Variants in ST6GAL1 observed in about 807,000 individuals in gnomAD.
ST6GAL1 encodes the protein beta-galactoside alpha-2,6-sialyltransferase 1.
A neutral mutation model predicts 38.0 loss-of-function variants in ST6GAL1; 20 were observed. The observed-to-expected ratio is 0.53, with a 90% CI of 0.37 to 0.77. The LOEUF is 0.77. Ranked by LOEUF, ST6GAL1 falls within the 30% of genes least tolerant of loss-of-function variation. The pLI is 0.00. For synonymous variants in ST6GAL1, 196 were observed against 188.2 expected (o/e 1.04, Z -0.34); for missense variants, 432 against 496.4 (o/e 0.87, Z 1.23).
chr3:187,052,915 C>A (rs1718565903), intron 5 of ST6GAL1, among the ~76,000 whole-genome samples: 1 of 152,234 alleles, frequency 6.6e-6, no homozygotes, highest in African/African-American at 2.4e-5. Flanking sequence ...CTCCCACCCA[C>A]AGTGTAAAAG....
At chr3:187,048,280 T>C (rs1005030277) in intron 4 of ST6GAL1, among the ~76,000 whole-genome samples, 44 of 152,166 alleles carry the variant, frequency 2.9e-4, no homozygotes, top group African/African-American at 1.1e-3. Context: ...CCAAACTTCA[T>C]ACCTGGGCCC....
intron 5 of ST6GAL1, among the ~76,000 whole-genome samples, chr3:187,060,682 T>G (rs1718887233): frequency 6.6e-6 from 1 of 152,166 alleles, no homozygotes; most frequent in Non-Finnish European, 1.5e-5. Context: ...GTCAACAGGT[T>G]TTAATGTCGC....
chr3:187,029,152 T>A (rs1717652926), intron 2 of ST6GAL1, among the ~76,000 whole-genome samples: 1 of 150,268 alleles, frequency 6.7e-6, no homozygotes, highest in African/African-American at 2.4e-5. Context: ...ACACACTATC[T>A]AGATGTCTCA....
At chr3:187,011,651 G>C (rs1480034439) in intron 2 of ST6GAL1, among the ~76,000 whole-genome samples, 1 of 152,208 alleles carries the variant, frequency 6.6e-6, no homozygotes, top group Non-Finnish European at 1.5e-5. Flanking sequence ...TGCAGGAACT[G>C]CTGCTGGTAT....
In ST6GAL1 at chr3:187,075,677, G is replaced by A. The variant is rs750161610; in HGVS notation, c.1095G>A (p.Thr365=). Residue 365 remains threonine, a synonymous_variant, in exon 8 of 8, where the codon ACG becomes ACA. Coordinates refer to ENST00000169298, the MANE Select transcript of ST6GAL1 (RefSeq NM_173216.2). This position sits in a 1 kb window ranked among gnomAD's most constrained non-coding sequence, Gnocchi z 4.1. ...AGAAGTTCTTCGATAGTGCCTGCAC[G>A]ATGGGTGCCTACCACCCGCTGCTCT... ...YYQKFFDSAC[T]MGAYHPLLYE... is the part of the protein sequence containing the mutation. 18 of 1,614,082 alleles carry A rather than the reference G, an allele frequency of 1.1e-5. No individual in the cohort carries two copies. Among genetic ancestry groups the A allele is most frequent in the East Asian group, 2.2e-5 (1 of 44,888 alleles).
intron 5 of ST6GAL1, among the ~76,000 whole-genome samples, chr3:187,058,131 A>AT (rs1000889029): frequency 3.3e-5 from 5 of 152,132 alleles, no homozygotes; most frequent in African/African-American, 9.7e-5. Flanking sequence ...CTGGTGTGCC[A>AT]TTTTTTAAGA....
chr3:186,944,790 GTC>G (rs1322513753), intron 1 of ST6GAL1, among the ~76,000 whole-genome samples: 2 of 152,184 alleles, frequency 1.3e-5, no homozygotes, highest in Non-Finnish European at 2.9e-5. Flanking sequence ...TAATTGGAGA[GTC>G]TGCGGAGGCA....
At chr3:186,979,101 T>C (rs185056869) in intron 2 of ST6GAL1, among the ~76,000 whole-genome samples, 6 of 152,242 alleles carry the variant, frequency 3.9e-5, no homozygotes, top group South Asian at 2.1e-4. Context: ...TATTTATTTC[T>C]GTATCATCTG....
In ST6GAL1 at chr3:186,967,909, C is replaced by T. The variant is rs112072313; in HGVS notation, c.-183+3983C>T. On this transcript the variant is annotated intron_variant, in intron 2 of 7. Transcript: ENST00000169298. ...CCTGGGGAGCCGGCACAGCCCACTT[C>T]CTGCCTTAGCCCATCTGGCCCGGGA... Among the ~76,000 whole-genome samples the T allele has an allele frequency of 4.6e-3, 701 of 152,366 alleles. 8 individuals are homozygous for T. Among genetic ancestry groups the T allele is most frequent in the Non-Finnish European group, 7.4e-3 (502 of 68,032 alleles).
chr3:187,005,567 G>A (rs1012774478), intron 2 of ST6GAL1, among the ~76,000 whole-genome samples: 3 of 152,088 alleles, frequency 2.0e-5, no homozygotes, highest in South Asian at 2.1e-4. Context: ...GAGCCACGGC[G>A]CCCGGCATCT....
At chr3:186,947,765 A>C (rs1308137953) in intron 1 of ST6GAL1, among the ~76,000 whole-genome samples, 1 of 152,130 alleles carries the variant, frequency 6.6e-6, no homozygotes, top group Non-Finnish European at 1.5e-5. Context: ...GCCTAGCCTG[A>C]GATTAGTTTT....
At chr3:187,028,936 G>A (rs1022631721) in intron 2 of ST6GAL1, among the ~76,000 whole-genome samples, 45 of 151,848 alleles carry the variant, frequency 3.0e-4, no homozygotes, top group African/African-American at 1.0e-3. Context: ...TTCATAGGTG[G>A]TTAGCAGGGC....
intron 2 of ST6GAL1, among the ~76,000 whole-genome samples, chr3:186,992,362 T>A (rs1716201719): frequency 6.6e-6 from 1 of 152,174 alleles, no homozygotes; most frequent in Non-Finnish European, 1.5e-5. Flanking sequence ...GTAAGTTTCC[T>A]GAGGCCTCCC....
Position 186,949,288 on chromosome 3 carries a change from C to T in ST6GAL1, c.-324-14497C>T, listed in dbSNP as rs139652891. 3.0e-3 allele frequency among the ~76,000 whole-genome samples: 459 copies of T among 152,264 alleles called. 1 individual carries two copies. The highest frequency in any genetic ancestry group is 6.8e-3 in the Middle Eastern group (2 of 294). On this transcript the variant is annotated intron_variant, in intron 1 of 7. Transcript: ENST00000169298. ...GAAGAAGGCAGCTAGGGAGCTGTGA[C>T]GTGGCAGCCAGGCTGAGTTATCAGT...
intron 1 of ST6GAL1, among the ~76,000 whole-genome samples, chr3:186,936,002 T>C (rs55759132): frequency 0.24 from 35,916 of 151,562 alleles, 4,414 homozygotes; most frequent in Middle Eastern, 0.32. Context: ...GTGGAGGGGG[T>C]CTTGTGCTTA....
chr3:187,013,622 T>C (rs1393713333), intron 2 of ST6GAL1, among the ~76,000 whole-genome samples: 2 of 152,224 alleles, frequency 1.3e-5, no homozygotes, highest in African/African-American at 4.8e-5. Flanking sequence ...TCACCCTCTG[T>C]CACCCAGGCT....
intron 2 of ST6GAL1, among the ~76,000 whole-genome samples, chr3:187,004,829 T>G (rs191458464): frequency 1.8e-4 from 28 of 152,348 alleles, no homozygotes; most frequent in African/African-American, 6.7e-4. Context: ...TTCAAGATGA[T>G]TCAAAGCTAA....
In ST6GAL1 at chr3:187,072,932, C is replaced by G; in HGVS notation, c.789C>G (p.His263Gln). The change falls in exon 6 of 8, where the codon CAC becomes CAG. Residue 263 changes from histidine (H) to glutamine (Q), a missense_variant. Coordinates refer to ENST00000169298, the MANE Select transcript of ST6GAL1 (RefSeq NM_173216.2). Reference protein sequence around the residue: ...ILIVWDPSVYHSDIPKWYQNP... With the variant: ...ILIVWDPSVYQSDIPKWYQNP... The stretch of plus-strand genomic sequence containing the variant: ...TTGTATGGGACCCATCTGTATACCA[C>G]TCAGATATCCCAAAGGTAAGTGGGT... 6.2e-7 allele frequency: 1 copy of G among 1,613,358 alleles called. No homozygotes were observed. The highest frequency in any genetic ancestry group is 8.5e-7 in the Non-Finnish European group (1 of 1,179,366).
chr3:186,964,968 T>G (rs114478248), intron 2 of ST6GAL1, among the ~76,000 whole-genome samples: 7,453 of 152,264 alleles, frequency 0.049, 188 homozygotes, highest in African/African-American at 0.059. Flanking sequence ...ACAACAATCG[T>G]GAGGGTCCCA....
Sources: gnomAD v4.1 joint callset for allele counts (sites outside exome capture counted in the v4.1 genomes callset) on GRCh38, gnomAD v4.1.1 for gene constraint, Gnocchi (gnomAD v3.1) non-coding constraint, MANE v1.5 for transcripts, NCBI Gene and HGNC (gene_info 2026-07-23, HGNC 2026-07-21) for gene names.